ZNF709: variants seen among roughly 807,000 people sequenced by gnomAD.
ZNF709 encodes the protein zinc finger protein 709.
In ZNF709, 15 loss-of-function variants were observed where a neutral mutation model predicts 10.6. That is an observed-to-expected ratio of 1.41 (90% CI 0.95 to 2.18). ZNF709 has a LOEUF of 2.18. Ranked by LOEUF, ZNF709 falls within the 30% of genes most tolerant of loss-of-function variation. ZNF709 has a pLI of 0.00. For synonymous variants in ZNF709, 194 were observed against 238.8 expected, an observed-to-expected ratio of 0.81 and a Z score of 1.73; for missense variants, 589 against 774.0, an observed-to-expected ratio of 0.76 and a Z score of 2.84.
chr19:12,479,727 G>A (rs567030357), intron 1 of ZNF709, among the ~76,000 whole-genome samples: 9 of 152,068 alleles, frequency 5.9e-5, no homozygotes, highest in East Asian at 1.9e-4. Flanking sequence ...AAAATTAGCC[G>A]GGCGTGGTGG....
At chr19:12,481,888 G>C (rs902165083) in intron 1 of ZNF709, among the ~76,000 whole-genome samples, 3 of 142,640 alleles carry the variant, frequency 2.1e-5, no homozygotes, top group Non-Finnish European at 4.6e-5. Context: ...TCTAGTCTGG[G>C]TGACAGAGTG....
chr19:12,468,933 C>T (rs1007657418), intron 1 of ZNF709, among the ~76,000 whole-genome samples: 17 of 151,986 alleles, frequency 1.1e-4, no homozygotes, highest in African/African-American at 3.9e-4. Flanking sequence ...CTCTGCCTCC[C>T]GGGTTCACGC....
intron 1 of ZNF709, among the ~76,000 whole-genome samples, chr19:12,476,813 G>A (rs1343350190): frequency 6.6e-6 from 1 of 151,914 alleles, no homozygotes. Flanking sequence ...AAACATAAAG[G>A]TCTCTTATTT....
rs1324012731 is a variant in ZNF709, at chr19:12,462,555, G to A, written c.*1441C>T. The A allele has an allele frequency of 2.0e-5, 3 of 152,108 alleles. 1 individual carries two copies. Among genetic ancestry groups the A allele is most frequent in the African/African-American group, 7.2e-5 (3 of 41,400 alleles). 9.4% of individuals were successfully genotyped at this position (152,108 alleles called of 1,614,324 possible). ...AATAATTCCAATGAGAGAGTATACT[G>A]TATGATAAACTTTGCAGACTCAAAA... On this transcript the variant is annotated 3_prime_UTR_variant, in exon 4 of 4. Transcript: ENST00000397732.
rs533784394 is a variant in ZNF709 at position 12,463,748 on chromosome 19, G to A, written c.*248C>T. 15 of 296,404 alleles carry A rather than the reference G, an allele frequency of 5.1e-5. No homozygotes were observed. In the South Asian group the frequency reaches 1.5e-3, roughly 30 times the overall value. 18.4% of individuals were successfully genotyped at this position (296,404 alleles called of 1,614,324 possible). ...TCGAGACCAGCCTGGCCAACATGGC[G>A]AAACCCCATCTCTACTAAAAATACA... On this transcript the variant is annotated 3_prime_UTR_variant, in exon 4 of 4. Transcript: ENST00000397732.
intron 1 of ZNF709, among the ~76,000 whole-genome samples, chr19:12,470,343 G>A (rs1162289080): frequency 6.6e-6 from 1 of 152,186 alleles, no homozygotes; most frequent in Non-Finnish European, 1.5e-5. Context: ...CACCTTTCTT[G>A]TTGTTGGGTC....
intron 1 of ZNF709, among the ~76,000 whole-genome samples, chr19:12,483,513 TC>T (rs915739158): frequency 8.6e-5 from 13 of 151,874 alleles, no homozygotes; most frequent in African/African-American, 3.1e-4. Context: ...ATATTTTACA[TC>T]CACTCTAAAG....
At chr19:12,467,218 G>C (rs1221517126) in intron 1 of ZNF709, among the ~76,000 whole-genome samples, 2 of 152,112 alleles carry the variant, frequency 1.3e-5, no homozygotes, top group African/African-American at 2.4e-5. Flanking sequence ...CTGCCATCTC[G>C]GCACACTGCA....
intron 1 of ZNF709, among the ~76,000 whole-genome samples, chr19:12,468,024 T>TG (rs1245747136): frequency 5.4e-5 from 6 of 111,968 alleles, no homozygotes; most frequent in Non-Finnish European, 1.1e-4. Flanking sequence ...GGGAGGGAGG[T>TG]GGGGGGTCAG....
chr19:12,480,705 T>C (rs1026460226), intron 1 of ZNF709, among the ~76,000 whole-genome samples: 6 of 150,918 alleles, frequency 4.0e-5, no homozygotes, highest in Admixed American at 2.6e-4. Context: ...AAAAGTTCAA[T>C]TGCATTTTCC....
Position 12,464,905 on chromosome 19 carries a change from C to T in ZNF709, c.1017G>A (p.Lys339=), listed in dbSNP as rs1210271385. The T allele has an allele frequency of 6.2e-7, 1 of 1,613,052 alleles. No individual in the cohort carries two copies. The highest frequency in any genetic ancestry group is 8.5e-7 in the Non-Finnish European group (1 of 1,179,624). ...IHTGEKPYDC[K]ECGKAFISLP... The stretch of plus-strand genomic sequence containing the variant: ...GAGAAATGAATGCTTTCCCACATTC[C>T]TTACAATCATAGGGTTTCTCTCCTG... Residue 339 remains lysine (K), a synonymous_variant, in exon 4 of 4, where the codon AAG becomes AAA. Transcript: ENST00000397732.
chr19:12,465,826 T>C lies in ZNF709; in HGVS notation c.189-93A>G. 3 of 1,047,710 alleles carry C rather than the reference T, an allele frequency of 2.9e-6. No individual in the cohort carries two copies. In the South Asian group the frequency reaches 7.5e-5, roughly 26 times the overall value. 64.9% of individuals were successfully genotyped at this position (1,047,710 alleles called of 1,614,324 possible). A position where few individuals can be genotyped will look rare whatever the true frequency, so the allele number is the denominator to read the frequency against. On this transcript the variant is annotated intron_variant, in intron 3 of 3. Transcript: ENST00000397732. ...TGATTATTTCACAATCATTAGTAGG[T>C]AGTAGAATTACACTTTTGCCATTTT...
chr19:12,467,127 C>T (rs1416950396), intron 1 of ZNF709, among the ~76,000 whole-genome samples: 2 of 152,084 alleles, frequency 1.3e-5, no homozygotes, highest in Non-Finnish European at 2.9e-5. Context: ...CGATACTCTC[C>T]CTCTCCCTCT....
rs1044399262 is a variant in ZNF709 at position 12,466,171 on chromosome 19, C to A, written c.188+291G>T. 2.6e-5 allele frequency among the ~76,000 whole-genome samples: 4 copies of A among 152,136 alleles called. No individual in the cohort carries two copies. The East Asian group carries it at 7.7e-4, about 29-fold the overall frequency. On this transcript the variant is annotated intron_variant, in intron 3 of 3. Coordinates refer to ENST00000397732, the MANE Select transcript of ZNF709 (RefSeq NM_152601.4). ...GGCCAGGCTGGCCTCAACCTCCACA[C>A]CTCAGGTGATCTGCCCACCTTGGCC...
chr19:12,483,540 T>C (rs1599637387), intron 1 of ZNF709, among the ~76,000 whole-genome samples: 1 of 151,896 alleles, frequency 6.6e-6, no homozygotes, highest in African/African-American at 2.4e-5. Context: ...TTTTATTTTA[T>C]TTTTTTATTT....
Position 12,465,528 on chromosome 19 carries a change from A to G in ZNF709, c.394T>C (p.Tyr132His). The G allele has an allele frequency of 6.2e-7, 1 of 1,611,902 alleles. No homozygotes were observed. Among genetic ancestry groups the G allele is most frequent in the Non-Finnish European group, 8.5e-7 (1 of 1,179,350 alleles). Residue 132 changes from tyrosine (Y) to histidine (H), a missense_variant, in exon 4 of 4, where the codon TAT becomes CAT. Around this residue, in one of 2 missense-constraint regions of ZNF709, gnomAD observed 418 missense variants for 496.3 expected, o/e 0.84. Transcript: ENST00000397732. ...RSHTEHRSYE[Y>H]HKYGEKSYEC... ...TATGATTTCTCTCCATATTTGTGAT[A>G]TTCATATGATCTATGTTCAGTATGA...
At chr19:12,473,963 T>C (rs1305897484) in intron 1 of ZNF709, among the ~76,000 whole-genome samples, 1 of 152,232 alleles carries the variant, frequency 6.6e-6, no homozygotes, top group Non-Finnish European at 1.5e-5. Context: ...GGAGGATTGC[T>C]TGAGCCCAGG....
chr19:12,481,519 C>T (rs910611483), intron 1 of ZNF709, among the ~76,000 whole-genome samples: 4 of 152,158 alleles, frequency 2.6e-5, no homozygotes, highest in African/African-American at 7.2e-5. Context: ...AAATTACAGG[C>T]GTGAGCCACC....
Position 12,463,765 on chromosome 19 carries a change from A to C in ZNF709, c.*231T>G. 1 of 340,530 alleles carries C rather than the reference A, an allele frequency of 2.9e-6. No individual in the cohort carries two copies. Among genetic ancestry groups the C allele is most frequent in the Non-Finnish European group, 5.2e-6 (1 of 191,726 alleles). The allele number at this position is 340,530 out of a possible 1,614,324, so 21.1% of individuals were successfully genotyped here. A position where few individuals can be genotyped will look rare whatever the true frequency, so the allele number is the denominator to read the frequency against. ...AACATGGCGAAACCCCATCTCTACT[A>C]AAAATACAAAAATTAAGTGGGCATG... is the stretch of plus-strand genomic sequence containing the variant. On this transcript the variant is annotated 3_prime_UTR_variant, in exon 4 of 4. Coordinates refer to ENST00000397732, the MANE Select transcript of ZNF709 (RefSeq NM_152601.4).
Sources: gnomAD v4.1 joint callset for allele counts (sites outside exome capture counted in the v4.1 genomes callset) on GRCh38, gnomAD v4.1.1 for gene constraint, gnomAD v4.1.1 regional missense constraint, MANE v1.5 for transcripts, NCBI Gene and HGNC (gene_info 2026-07-23, HGNC 2026-07-21) for gene names.